AARS2: variants seen among roughly 807,000 people sequenced by gnomAD.
AARS2 encodes the protein alanyl-tRNA synthetase 2, mitochondrial, also known as alanine--tRNA ligase, mitochondrial.
Under a neutral mutation model 119.7 loss-of-function variants are expected in AARS2, and 78 were observed. That is an observed-to-expected ratio of 0.65 (90% CI 0.54 to 0.79). The LOEUF (loss-of-function observed/expected upper bound fraction) is 0.79, where lower values mean the gene tolerates loss of function less well. Ranked by LOEUF, AARS2 falls within the 30% of genes least tolerant of loss-of-function variation. The pLI is 0.00. For missense variants in AARS2, 1,157 were observed against 1,291.3 expected (o/e 0.90, Z 1.59); for synonymous variants, 502 against 526.3 (o/e 0.95, Z 0.63).
rs76340283 is a variant in AARS2, at chr6:44,302,269, A to C, written c.2488-99T>G. On this transcript the variant is annotated intron_variant, in intron 18 of 21. Coordinates refer to ENST00000244571, the MANE Select transcript of AARS2 (RefSeq NM_020745.4). ...AGGGAAGACACCCACCCTGCAGACA[A>C]ATATCTGGGCCAGCTGGAGCCCAAC... The C allele has an allele frequency of 1.7e-3, 2,776 of 1,610,310 alleles. 51 individuals carry two copies. In the African/African-American group the frequency reaches 0.032, roughly 19 times the overall value.
rs770606238 is a variant in AARS2 at position 44,302,486 on chromosome 6, GGGCCAGGCTCTGGCCTAGCTCTC to G, written c.2369_2391del (p.Arg790ProfsTer8). On this transcript the variant is annotated frameshift_variant, in exon 18 of 22. Transcript: ENST00000244571. LOFTEE classifies it high-confidence loss of function. ...CGCTCAGTGGCCGCTTTCACTTCCT[GGGCCAGGCTCTGGCCTAGCTCTC>G]GGGCCTGCAGGGAGGGGACAGGAGG... 1 of 1,614,154 alleles carries G rather than the reference GGGCCAGGCTCTGGCCTAGCTCTC, an allele frequency of 6.2e-7. No homozygotes were observed. The highest frequency in any genetic ancestry group is 8.5e-7 in the Non-Finnish European group (1 of 1,180,040).
rs1583059537 is a variant in AARS2 at position 44,310,421 on chromosome 6, G to A, written c.772C>T (p.Pro258Ser). The change falls in exon 5 of 22, where the codon CCC (proline) becomes TCC (serine). Residue 258 changes from proline to serine, a missense_variant. Transcript: ENST00000244571. ...HNREADGSLQ[P>S]LPQRHVDTGM... ...GTGTCCACATGCCGCTGGGGCAGGG[G>A]CTGCAGGCTTCCATCTGCCTCTCTG... 1.1e-5 allele frequency: 17 copies of A among 1,613,902 alleles called. No individual in the cohort carries two copies. The highest frequency in any genetic ancestry group is 2.2e-5 in the East Asian group (1 of 44,886).
chr6:44,305,470 C>T lies in AARS2; in HGVS notation c.1434+183G>A, dbSNP rs1785762416. Among the ~76,000 whole-genome samples the T allele has an allele frequency of 6.6e-6, 1 of 152,226 alleles. No homozygotes were observed. The highest frequency in any genetic ancestry group is 1.5e-5 in the Non-Finnish European group (1 of 68,032). On this transcript the variant is annotated intron_variant, in intron 10 of 21. Coordinates refer to ENST00000244571, the MANE Select transcript of AARS2 (RefSeq NM_020745.4). This position sits in a 1 kb window ranked among gnomAD's most constrained non-coding sequence, Gnocchi z 4.6. ...TGCTGGCTTCTGCTCCTGTGTTTAG[C>T]CCATTGGCTAGTTTTGCTTTCTACT...
Position 44,304,518 on chromosome 6 carries a change from C to T in AARS2, c.1768G>A (p.Val590Ile). The T allele has an allele frequency of 6.2e-7, 1 of 1,614,198 alleles. No individual in the cohort carries two copies. Reference sequence around the variant, plus strand: ...CCTCCACAGACCTGGGCCCGGGCTACTGGGAACAGCACGTCCTGAGGGAGG... The same window carrying T: ...CCTCCACAGACCTGGGCCCGGGCTATTGGGAACAGCACGTCCTGAGGGAGG... ...RAGQEDVLFP[V>I]ARAQVCGGFI... is the part of the protein sequence containing the mutation. Residue 590 changes from valine to isoleucine, a missense_variant, in exon 13 of 22, where the codon GTA (valine) becomes ATA (isoleucine). Val to Ile is a conservative substitution (Grantham distance 29). Transcript: ENST00000244571.
intron 4 of AARS2, 121 bp from the exon 5 acceptor site, chr6:44,310,564 C>A (rs1025190462): frequency 3.9e-5 from 51 of 1,301,868 alleles, no homozygotes; most frequent in Non-Finnish European, 5.1e-5. Context: ...AGGAACCAGA[C>A]AATCAGTATC....
At chr6:44,311,329 A>T in intron 3 of AARS2, 61 bp downstream of exon 3, 1 of 1,611,636 alleles carries the variant, frequency 6.2e-7, no homozygotes, top group Non-Finnish European at 8.5e-7. Flanking sequence ...TGGTGCTGGT[A>T]GTCTCCACTT....
rs1786408237 is a variant in AARS2, at chr6:44,312,066, A to AC, written c.435+5dup. On this transcript the variant is annotated splice_donor_region_variant and intron_variant, in intron 2 of 21. Coordinates refer to ENST00000244571, the MANE Select transcript of AARS2 (RefSeq NM_020745.4). ...CTTGGCTGATCACTGATCCCCAGAG[A>AC]CTCACCTTAAAATATTCACCCCCAA... 5 of 1,613,708 alleles carry AC rather than the reference A, an allele frequency of 3.1e-6. No individual in the cohort carries two copies. Among genetic ancestry groups the AC allele is most frequent in the Non-Finnish European group, 4.2e-6 (5 of 1,179,692 alleles).
At position 44,306,241 on chromosome 6, in the gene AARS2, C is replaced by A. The variant is rs763515137; in HGVS notation, c.1300+39G>T. 8.8e-6 allele frequency: 14 copies of A among 1,598,980 alleles called. No homozygotes were observed. In the South Asian group the frequency reaches 1.5e-4, roughly 18 times the overall value. ...CTCCTCTGCCCACCTTGGTGAGTCTCAGCGAGCCCCTTGTGCATGGGCTAG... is the reference window on the plus strand; with the variant it reads ...CTCCTCTGCCCACCTTGGTGAGTCTAAGCGAGCCCCTTGTGCATGGGCTAG... On this transcript the variant is annotated intron_variant, in intron 9 of 21. Transcript: ENST00000244571.
rs767183912 is a variant in AARS2 at position 44,300,730 on chromosome 6, G to A, written c.2794-19C>T. ...TGGCACCCTAGGAACAGAATCAGAA[G>A]AGGAAGCGATGCAGAGTGGCCCTCC... On this transcript the variant is annotated intron_variant, in intron 21 of 21. Coordinates refer to ENST00000244571, the MANE Select transcript of AARS2 (RefSeq NM_020745.4). 3.7e-6 allele frequency: 6 copies of A among 1,610,100 alleles called. No homozygotes were observed. The highest frequency in any genetic ancestry group is 1.7e-5 in the Admixed American group (1 of 59,992).
chr6:44,304,142 T>TGAC (rs751829602), intron 14 of AARS2, 39 bp downstream of exon 14: 2 of 1,611,524 alleles, frequency 1.2e-6, no homozygotes. Flanking sequence ...TTTATGCCTG[T>TGAC]CACCTCACAT....
Position 44,312,030 on chromosome 6 carries a change from T to C in AARS2, c.435+42A>G, listed in dbSNP as rs543978521. The C allele has an allele frequency of 3.1e-4, 502 of 1,604,564 alleles. 9 individuals are homozygous for C. The South Asian group carries it at 4.9e-3, about 16-fold the overall frequency. ...GACAGTACAATGGAAACAGGACAAA[T>C]TGACTCCCTTCTTGGCTGATCACTG... On this transcript the variant is annotated intron_variant, in intron 2 of 21. Coordinates refer to ENST00000244571, the MANE Select transcript of AARS2 (RefSeq NM_020745.4).
At chr6:44,300,773 A>G in intron 21 of AARS2, 62 bp from the exon 22 acceptor site, 1 of 1,578,584 alleles carries the variant, frequency 6.3e-7, no homozygotes, top group African/African-American at 1.3e-5. Flanking sequence ...CATCCACTCA[A>G]GGTACCCTCA....
intron 3 of AARS2, 74 bp downstream of exon 3, chr6:44,311,316 G>A (rs1189683421): frequency 2.5e-6 from 4 of 1,608,540 alleles, no homozygotes; most frequent in South Asian, 2.2e-5. Context: ...AGACTCTGAG[G>A]ATTGGTGCTG....
chr6:44,308,956 C>T (rs1029824401), intron 5 of AARS2, among the ~76,000 whole-genome samples: 1 of 152,154 alleles, frequency 6.6e-6, no homozygotes, highest in Non-Finnish European at 1.5e-5. Context: ...GACTTTGAGG[C>T]CCACAAGACT....
rs111990690 is a variant in AARS2, at chr6:44,299,991, A to AT, written c.*555dup. ...GGAGCTTGCTATCCTCTGTGAAATA[A>AT]TTATTTGAGACAGAGTCTCGCTCTG... On this transcript the variant is annotated 3_prime_UTR_variant, in exon 22 of 22. Coordinates refer to ENST00000244571, the MANE Select transcript of AARS2 (RefSeq NM_020745.4). 2.2e-4 allele frequency: 35 copies of AT among 160,864 alleles called. No homozygotes were observed. The highest frequency in any genetic ancestry group is 6.9e-4 in the South Asian group (4 of 5,758). 10.0% of individuals were successfully genotyped at this position (160,864 alleles called of 1,614,324 possible). A position where few individuals can be genotyped will look rare whatever the true frequency, so the allele number is the denominator to read the frequency against.
rs569390176 is a variant in AARS2 at position 44,311,588 on chromosome 6, C to A, written c.436-53G>T. On this transcript the variant is annotated intron_variant, in intron 2 of 21. Transcript: ENST00000244571. ...GGGGGAAGACGGGTGAGAGGGAGAC[C>A]CCACTGAAGTAATCAAGCCACATGA... is the stretch of plus-strand genomic sequence containing the variant. 2,686 of 1,599,976 alleles carry A rather than the reference C, an allele frequency of 1.7e-3. 3 individuals are homozygous for A. Among genetic ancestry groups the A allele is most frequent in the Non-Finnish European group, 2.0e-3 (2,293 of 1,169,904 alleles).
Position 44,300,677 on chromosome 6 carries a change from G to T in AARS2, c.2828C>A (p.Ala943Glu). 1 of 1,613,546 alleles carries T rather than the reference G, an allele frequency of 6.2e-7. No homozygotes were observed. Among genetic ancestry groups the T allele is most frequent in the South Asian group, 1.1e-5 (1 of 91,086 alleles). The change falls in exon 22 of 22, where the codon GCA (alanine) becomes GAA (glutamate). Residue 943 changes from alanine to glutamate, a missense_variant. By Grantham distance (107) the Ala-to-Glu change is moderately radical (BLOSUM62 -1). Transcript: ENST00000244571. ...AMPTFTAEAW[A>E]LAVCSHMGGK... ...CCCCATGTGGCTGCACACTGCCAGT[G>T]CCCAGGCCTCTGCTGTGAAGGTGGG...
chr6:44,303,165 T>C lies in AARS2; in HGVS notation c.2156A>G (p.Asp719Gly). Residue 719 changes from aspartate to glycine, a missense_variant, in exon 16 of 22, where the codon GAC becomes GGC. Physicochemically the swap from Asp to Gly is moderately conservative, Grantham distance 94. Coordinates refer to ENST00000244571, the MANE Select transcript of AARS2 (RefSeq NM_020745.4). ...GLRSLDEVYP[D>G]PVRVVSVGVP... ...CCCCACTGATACCACCCGCACAGGG[T>C]CTGGGTAAACCTGAGGTCAAGAGGG... The C allele has an allele frequency of 6.2e-7, 1 of 1,614,056 alleles. No individual in the cohort carries two copies. Among genetic ancestry groups the C allele is most frequent in the Non-Finnish European group, 8.5e-7 (1 of 1,180,012 alleles).
chr6:44,311,485 G>A lies in AARS2; in HGVS notation c.486C>T (p.Ile162=). The A allele has an allele frequency of 6.2e-7, 1 of 1,613,892 alleles. No homozygotes were observed. Among genetic ancestry groups the A allele is most frequent in the Non-Finnish European group, 8.5e-7 (1 of 1,179,970 alleles). Residue 162 remains isoleucine, a synonymous_variant, in exon 3 of 22, where the codon ATC becomes ATT. Coordinates refer to ENST00000244571, the MANE Select transcript of AARS2 (RefSeq NM_020745.4). Reference sequence around the variant, plus strand: ...AGGAGATCCAGAGCCTTTCCTCAGGGATCCCATAGACCTGAGTCAGCAGTT... The same window carrying A: ...AGGAGATCCAGAGCCTTTCCTCAGGAATCCCATAGACCTGAGTCAGCAGTT... ...AWELLTQVYG[I]PEERLWISYF... is the part of the protein sequence containing the mutation.
Sources: allele counts gnomAD v4.1 joint callset (sites outside exome capture counted in the v4.1 genomes callset), GRCh38; gene constraint gnomAD v4.1.1; non-coding constraint Gnocchi (gnomAD v3.1); transcripts MANE v1.5; gene names NCBI Gene and HGNC (gene_info 2026-07-23, HGNC 2026-07-21).